YLPM1: variants seen among roughly 807,000 people sequenced by gnomAD.
YLPM1 encodes the protein YLP motif-containing protein 1.
YLPM1 carries 99 observed loss-of-function variants against 230.0 expected under a neutral mutation model. That is an observed-to-expected ratio of 0.43 (90% CI 0.37 to 0.51). The LOEUF is 0.51. Among genes scored for constraint, YLPM1 ranks in the 20% least tolerant of loss-of-function variants. The pLI is 0.00. For missense variants in YLPM1, 2,592 were observed against 2,707.7 expected (o/e 0.96, Z 0.95); for synonymous variants, 984 against 942.5 (o/e 1.04, Z -0.81).
chr14:74,816,092 G>A (rs2091475500), intron 11 of YLPM1, 111 bp from the exon 12 acceptor site: 3 of 859,154 alleles, frequency 3.5e-6, no homozygotes, highest in Admixed American at 5.4e-5. Context: ...TTGTTTCATG[G>A]CCTGTTGTAT....
In YLPM1 at chr14:74,768,543, G is replaced by A. The variant is rs556770796; in HGVS notation, c.873+4181G>A. On this transcript the variant is annotated intron_variant, in intron 1 of 20. Coordinates refer to ENST00000325680, the MANE Select transcript of YLPM1 (RefSeq NM_019589.3). ...ATTATAGACGTGAGCCACTGCGCCC[G>A]GTCGGAATGTGTCTTTTTGAATAAT... Among the ~76,000 whole-genome samples, 20 of 152,250 alleles carry A rather than the reference G, an allele frequency of 1.3e-4. 1 individual carries two copies. The East Asian group carries it at 2.3e-3, about 18-fold the overall frequency.
Position 74,781,641 on chromosome 14 carries a change from T to A in YLPM1, c.1598T>A (p.Met533Lys). The A allele has an allele frequency of 6.2e-7, 1 of 1,613,732 alleles. No individual in the cohort carries two copies. ...YSQMPPPLPT[M>K]PPPVLPPSLP... ...CAGATGCCTCCACCTCTACCTACAA[T>A]GCCCCCTCCAGTGTTGCCTCCTTCA... The change falls in exon 4 of 21, where the codon ATG (methionine) becomes AAG (lysine). Residue 533 changes from methionine (M) to lysine (K), a missense_variant. By Grantham distance (95) the Met-to-Lys change is moderately conservative. Transcript: ENST00000325680.
chr14:74,773,636 TGGAA>T (rs766759030), intron 1 of YLPM1, among the ~76,000 whole-genome samples: 1 of 151,930 alleles, frequency 6.6e-6, no homozygotes, highest in Non-Finnish European at 1.5e-5. Context: ...ATTAAAATAA[TGGAA>T]GGAAGTGTTT....
At chr14:74,769,259 CTTTTTTTTT>C (rs34023289) in intron 1 of YLPM1, among the ~76,000 whole-genome samples, 11 of 38,404 alleles carry the variant, frequency 2.9e-4, no homozygotes, top group Non-Finnish European at 5.9e-4. Context: ...GTATTTTTAT[CTTTTTTTTT>C]TTTTTTTTTT....
chr14:74,815,388 C>T (rs746602725), intron 11 of YLPM1, among the ~76,000 whole-genome samples: 2 of 151,886 alleles, frequency 1.3e-5, no homozygotes, highest in Non-Finnish European at 2.9e-5. Context: ...ACGGTGAAAC[C>T]CCATCTCTAC....
At chr14:74,817,135 T>C in intron 14 of YLPM1, 28 bp downstream of exon 14, 2 of 1,599,270 alleles carry the variant, frequency 1.3e-6, no homozygotes, top group Non-Finnish European at 1.7e-6. Flanking sequence ...TTTAAAGTAC[T>C]TTGTGTTGTC....
intron 11 of YLPM1, 127 bp downstream of exon 11, chr14:74,812,909 A>C (rs1594837357): frequency 8.2e-7 from 1 of 1,224,054 alleles, no homozygotes; most frequent in East Asian, 2.6e-5. Context: ...ACGTTTTACT[A>C]TCTCTAAATC....
rs575686113 is a variant in YLPM1, at chr14:74,801,328, CT to C, written c.4401-1226del. On this transcript the variant is annotated intron_variant, in intron 5 of 20. Transcript: ENST00000325680. Reference sequence around the variant, plus strand: ...GGGATTTACCTGAGCAGTAAATAATCTTACACACTTGACCCTTACTTTGTGG... The same window carrying C: ...GGGATTTACCTGAGCAGTAAATAATCTACACACTTGACCCTTACTTTGTGG... Among the ~76,000 whole-genome samples the C allele has an allele frequency of 2.6e-4, 39 of 151,834 alleles. No individual in the cohort carries two copies. The East Asian group carries it at 7.2e-3, about 28-fold the overall frequency.
chr14:74,817,694 A>T (rs80042111), intron 15 of YLPM1, among the ~76,000 whole-genome samples: 1,971 of 152,104 alleles, frequency 0.013, 19 homozygotes, highest in Middle Eastern at 0.031. Context: ...TTTTTTCATA[A>T]TAACTTTCCT....
At chr14:74,774,266 T>C (rs1374139840) in intron 1 of YLPM1, among the ~76,000 whole-genome samples, 1 of 152,162 alleles carries the variant, frequency 6.6e-6, no homozygotes, top group East Asian at 1.9e-4. Context: ...TTTGTTTTGT[T>C]TTCTTTGAGA....
rs1451036141 is a variant in YLPM1, at chr14:74,835,209, G to A, written c.6295-56G>A. ...CCTTAGACTGTCCAGAGAGGGAGGGGGCTCTTTGCATATTTATTTTTCCTA... is the reference window on the plus strand; with the variant it reads ...CCTTAGACTGTCCAGAGAGGGAGGGAGCTCTTTGCATATTTATTTTTCCTA... On this transcript the variant is annotated intron_variant, in intron 19 of 20. Transcript: ENST00000325680. 3 of 1,597,748 alleles carry A rather than the reference G, an allele frequency of 1.9e-6. No homozygotes were observed. In the East Asian group the frequency reaches 6.7e-5, roughly 36 times the overall value.
In YLPM1 at chr14:74,833,969, G is replaced by C. The variant is rs148078166; in HGVS notation, c.6295-1296G>C. 1.2e-3 allele frequency among the ~76,000 whole-genome samples: 185 copies of C among 152,260 alleles called. 2 individuals are homozygous for C. Among genetic ancestry groups the C allele is most frequent in the African/African-American group, 4.2e-3 (175 of 41,556 alleles). ...TCTCTGCAGTCTTTGATACTGTGTAGTGCAAGCAACAGATTCATAGTTTCT... is the reference window on the plus strand; with the variant it reads ...TCTCTGCAGTCTTTGATACTGTGTACTGCAAGCAACAGATTCATAGTTTCT... On this transcript the variant is annotated intron_variant, in intron 19 of 20. Coordinates refer to ENST00000325680, the MANE Select transcript of YLPM1 (RefSeq NM_019589.3).
intron 5 of YLPM1, among the ~76,000 whole-genome samples, chr14:74,801,089 C>G (rs1417196018): frequency 6.6e-6 from 1 of 151,284 alleles, no homozygotes; most frequent in African/African-American, 2.4e-5. Flanking sequence ...CTTTTTTTTT[C>G]CTTTTTAAAT....
chr14:74,833,449 C>T (rs1052538541), intron 19 of YLPM1, among the ~76,000 whole-genome samples: 2 of 152,092 alleles, frequency 1.3e-5, no homozygotes, highest in African/African-American at 2.4e-5. Context: ...GACACGGTTT[C>T]GCCTTGTTGC....
At chr14:74,814,548 A>T (rs2091461880) in intron 11 of YLPM1, among the ~76,000 whole-genome samples, 4 of 152,214 alleles carry the variant, frequency 2.6e-5, no homozygotes, top group Admixed American at 2.6e-4. Context: ...TGTTGATATG[A>T]TGTGTTACAT....
chr14:74,802,484 A>G (rs2091337607), intron 5 of YLPM1, 72 bp from the exon 6 acceptor site: 1 of 1,490,228 alleles, frequency 6.7e-7, no homozygotes, highest in Non-Finnish European at 8.9e-7. Context: ...TTTTTAATTA[A>G]ATATTAATTG....
In YLPM1 at chr14:74,798,365, C is replaced by T; in HGVS notation, c.3068C>T (p.Pro1023Leu). The stretch of plus-strand genomic sequence containing the variant: ...GGCAACAGCTCATCTTACAGAGGTC[C>T]TGGGCAAAGCAGAATGGAAGACACA... ...NRGNSSSYRG[P>L]GQSRMEDTRD... Residue 1023 changes from proline (P) to leucine (L), a missense_variant, in exon 5 of 21, where the codon CCT becomes CTT. By Grantham distance (98) the Pro-to-Leu change is moderately conservative (BLOSUM62 -3). This residue lies in a region of YLPM1 where 1,862 missense variants were observed against 1,819.8 expected (regional missense o/e 1.02). Coordinates refer to ENST00000325680, the MANE Select transcript of YLPM1 (RefSeq NM_019589.3). 1.2e-6 allele frequency: 2 copies of T among 1,613,978 alleles called. No homozygotes were observed. The highest frequency in any genetic ancestry group is 1.7e-6 in the Non-Finnish European group (2 of 1,179,900).
intron 4 of YLPM1, among the ~76,000 whole-genome samples, chr14:74,797,148 A>ATTTTT (rs71303895): frequency 9.9e-6 from 1 of 100,798 alleles, no homozygotes; most frequent in Admixed American, 1.1e-4. Context: ...AAATTTTTGT[A>ATTTTT]TTTTTTTTTT....
intron 4 of YLPM1, among the ~76,000 whole-genome samples, chr14:74,790,651 A>C (rs140069870): frequency 6.0e-4 from 91 of 152,264 alleles, no homozygotes; most frequent in African/African-American, 2.1e-3. Context: ...AAATACTTAA[A>C]ACCAGATATT....
Sources: allele counts gnomAD v4.1 joint callset (sites outside exome capture counted in the v4.1 genomes callset), GRCh38; gene constraint gnomAD v4.1.1; regional missense constraint gnomAD v4.1.1; transcripts MANE v1.5; gene names NCBI Gene and HGNC (gene_info 2026-07-23, HGNC 2026-07-21).